The following ATP10A variants were observed in gnomAD, a reference collection of about 807,000 sequenced individuals.
ATP10A encodes phospholipid-transporting ATPase VA.
ATP10A carries 111 observed loss-of-function variants against 147.8 expected under a neutral mutation model. That is an observed-to-expected ratio of 0.75 (90% CI 0.64 to 0.88). The LOEUF is 0.88. Among genes scored for constraint, ATP10A ranks in the 40% least tolerant of loss-of-function variants. ATP10A has a pLI of 0.00. For synonymous variants in ATP10A, 875 were observed against 841.6 expected (o/e 1.04, Z -0.69); for missense variants, 1,927 against 1,959.0 (o/e 0.98, Z 0.31).
intron 1 of ATP10A, among the ~76,000 whole-genome samples, chr15:25,781,464 G>A (rs569340931): frequency 6.6e-6 from 1 of 152,290 alleles, no homozygotes; most frequent in African/African-American, 2.4e-5. Flanking sequence ...AGACCAGCCT[G>A]ACCAACACGG....
chr15:25,757,395 A>G (rs1888474896), intron 2 of ATP10A, among the ~76,000 whole-genome samples: 1 of 152,122 alleles, frequency 6.6e-6, no homozygotes, highest in Non-Finnish European at 1.5e-5. Flanking sequence ...ACTACTAGAG[A>G]AAAGGAAAAC....
Position 25,759,139 on chromosome 15 carries a change from G to A in ATP10A, c.654+21880C>T, listed in dbSNP as rs188518460. Among the ~76,000 whole-genome samples the A allele has an allele frequency of 4.0e-3, 606 of 152,270 alleles. 5 individuals carry two copies. The highest frequency in any genetic ancestry group is 0.014 in the African/African-American group (580 of 41,558). On this transcript the variant is annotated intron_variant, in intron 2 of 20. Coordinates refer to ENST00000555815, the MANE Select transcript of ATP10A (RefSeq NM_024490.4). ...TCGCCATTGTTCCATCTGTAAGGGC[G>A]CACCCTTCTATATAGAAGTAACTTG...
chr15:25,825,183 C>T (rs1892065379), intron 1 of ATP10A, among the ~76,000 whole-genome samples: 1 of 152,148 alleles, frequency 6.6e-6, no homozygotes, highest in African/African-American at 2.4e-5. Context: ...TGACTTGGAA[C>T]TCACCCATTA....
At position 25,686,857 on chromosome 15, in the gene ATP10A, A is replaced by G. The variant is rs945891050; in HGVS notation, c.3291+846T>C. ...AGCCCATCTGCCAAAGAAGCAGTGA[A>G]GAAGGAACGAAGAGTCCAACGTGAA... On this transcript the variant is annotated intron_variant, in intron 16 of 20. Coordinates refer to ENST00000555815, the MANE Select transcript of ATP10A (RefSeq NM_024490.4). Among the ~76,000 whole-genome samples, 16 of 108,332 alleles carry G rather than the reference A, an allele frequency of 1.5e-4. 5 individuals are homozygous for G. The highest frequency in any genetic ancestry group is 6.2e-4 in the Admixed American group (7 of 11,300). The allele number at this position is 108,332 out of a possible 152,430, so 71.1% of individuals were successfully genotyped here. A position where few individuals can be genotyped will look rare whatever the true frequency, so the allele number is the denominator to read the frequency against.
At chr15:25,735,003 C>CGGGGGGGGGGGGGGGGGGGGGG (rs774115891) in intron 3 of ATP10A, among the ~76,000 whole-genome samples, 1 of 131,980 alleles carries the variant, frequency 7.6e-6, no homozygotes, top group Non-Finnish European at 1.6e-5. Context: ...GTGGTGGGAG[C>CGGGGGGGGGGGGGGGGGGGGGG]GGGGGGGGGG....
intron 1 of ATP10A, among the ~76,000 whole-genome samples, chr15:25,819,541 C>A (rs1257190759): frequency 1.3e-5 from 2 of 151,842 alleles, no homozygotes; most frequent in African/African-American, 4.8e-5. Flanking sequence ...AGAAATGGAA[C>A]TGCCATTTGA....
chr15:25,674,144 C>T (rs1899093453), downstream of ATP10A, among the ~76,000 whole-genome samples: 1 of 152,192 alleles, frequency 6.6e-6, no homozygotes. Context: ...GCATGGTGCC[C>T]TGACGCCCCT....
chr15:25,735,784 C>T (rs1399905227), intron 3 of ATP10A, among the ~76,000 whole-genome samples: 1 of 152,122 alleles, frequency 6.6e-6, no homozygotes, highest in Non-Finnish European at 1.5e-5. Flanking sequence ...CATCACCTAC[C>T]CGGGGCCTGC....
At chr15:25,780,226 A>C (rs922690159) in intron 2 of ATP10A, among the ~76,000 whole-genome samples, 1 of 152,234 alleles carries the variant, frequency 6.6e-6, no homozygotes, top group African/African-American at 2.4e-5. Context: ...GCCCAGTGGC[A>C]TCCTCCCTGT....
rs574317762 is a variant in ATP10A at position 25,860,057 on chromosome 15, C to T, written c.449+2591G>A. 6.8e-4 allele frequency among the ~76,000 whole-genome samples: 103 copies of T among 152,296 alleles called. 1 individual carries two copies. Among genetic ancestry groups the T allele is most frequent in the African/African-American group, 2.0e-3 (85 of 41,566 alleles). On this transcript the variant is annotated intron_variant, in intron 1 of 20. Transcript: ENST00000555815. ...CTGGTCTTCTCTGCAGTCAACCAAA[C>T]GCACTGCACAGACCTTGGCCTGACA...
rs189477728 is a variant in ATP10A, at chr15:25,744,096, T to C, written c.655-7955A>G. The stretch of plus-strand genomic sequence containing the variant: ...TCTAACGCAACCAGGAAGAACGGCA[T>C]CACAGAGGTGAACTGCGGGAAAGAG... On this transcript the variant is annotated intron_variant, in intron 2 of 20. Coordinates refer to ENST00000555815, the MANE Select transcript of ATP10A (RefSeq NM_024490.4). Among the ~76,000 whole-genome samples, 48 of 152,208 alleles carry C rather than the reference T, an allele frequency of 3.2e-4. 1 individual carries two copies. The highest frequency in any genetic ancestry group is 1.8e-3 in the Admixed American group (28 of 15,288).
At position 25,847,603 on chromosome 15, in the gene ATP10A, T is replaced by A. The variant is rs1354199589; in HGVS notation, c.449+15045A>T. Among the ~76,000 whole-genome samples, 4 of 127,372 alleles carry A rather than the reference T, an allele frequency of 3.1e-5. No individual in the cohort carries two copies. The Admixed American group carries it at 3.6e-4, about 11-fold the overall frequency. The allele number at this position is 127,372 out of a possible 152,430, so 83.6% of individuals were successfully genotyped here. ...TATATTCCTAGCTAATTCAAACAGC[T>A]ACAGCCTTTTTTTTTTTTTTTTTTT... On this transcript the variant is annotated intron_variant, in intron 1 of 20. Coordinates refer to ENST00000555815, the MANE Select transcript of ATP10A (RefSeq NM_024490.4).
At chr15:25,768,007 G>C (rs924712022) in intron 2 of ATP10A, among the ~76,000 whole-genome samples, 1 of 152,252 alleles carries the variant, frequency 6.6e-6, no homozygotes, top group Non-Finnish European at 1.5e-5. Context: ...GGGCGCACCA[G>C]GGCTGGCTCC....
chr15:25,825,638 G>T (rs1309075449), intron 1 of ATP10A, among the ~76,000 whole-genome samples: 1 of 152,128 alleles, frequency 6.6e-6, no homozygotes. Context: ...GCTACCACAG[G>T]ACAAAGAATA....
intron 1 of ATP10A, among the ~76,000 whole-genome samples, chr15:25,797,580 T>A (rs180852579): frequency 5.8e-4 from 88 of 152,324 alleles, no homozygotes; most frequent in Non-Finnish European, 1.0e-3. Context: ...CATGACACGC[T>A]CTGGGCTCCA....
At chr15:25,807,814 AAAAG>A (rs1462199470) in intron 1 of ATP10A, among the ~76,000 whole-genome samples, 1 of 104,828 alleles carries the variant, frequency 9.5e-6, no homozygotes, top group Non-Finnish European at 2.2e-5. Context: ...CCGGCCAAAA[AAAAG>A]AAAAAGAAAA....
At chr15:25,696,516 C>T (rs1900347150) in intron 13 of ATP10A, among the ~76,000 whole-genome samples, 1 of 152,256 alleles carries the variant, frequency 6.6e-6, no homozygotes, top group Non-Finnish European at 1.5e-5. Flanking sequence ...CCACTGACTT[C>T]AGGCGGCACT....
chr15:25,734,331 A>G (rs4262918), intron 3 of ATP10A, among the ~76,000 whole-genome samples: 105,791 of 152,096 alleles, frequency 0.7, 39,344 homozygotes, highest in Non-Finnish European at 0.84. Context: ...TTCAGAAGAG[A>G]AAGTCGGCCC....
At chr15:25,752,968 A>G (rs1189710193) in intron 2 of ATP10A, among the ~76,000 whole-genome samples, 3 of 152,154 alleles carry the variant, frequency 2.0e-5, no homozygotes, top group Non-Finnish European at 4.4e-5. Context: ...TTGTAAACTA[A>G]TCATTTATAA....
Sources: allele counts gnomAD v4.1 joint callset (sites outside exome capture counted in the v4.1 genomes callset), GRCh38; gene constraint gnomAD v4.1.1; transcripts MANE v1.5; gene names NCBI Gene and HGNC (gene_info 2026-07-23, HGNC 2026-07-21).